CADPS2: variants seen among roughly 807,000 people sequenced by gnomAD.
CADPS2 encodes calcium dependent secretion activator 2.
CADPS2 carries 93 observed loss-of-function variants against 172.5 expected under a neutral mutation model. That is an observed-to-expected ratio of 0.54 (90% confidence interval 0.46 to 0.64). CADPS2 has a LOEUF of 0.64. Among genes scored for constraint, CADPS2 ranks in the 30% least tolerant of loss-of-function variants. CADPS2 has a pLI of 0.00. For missense variants in CADPS2, 1,420 were observed against 1,565.9 expected (o/e 0.91, Z 1.57); for synonymous variants, 546 against 555.2 (o/e 0.98, Z 0.23).
chr7:122,526,909 T>G (rs2061285804), intron 8 of CADPS2, among the ~76,000 whole-genome samples: 1 of 152,206 alleles, frequency 6.6e-6, no homozygotes, highest in Non-Finnish European at 1.5e-5. Context: ...ATCCTCATTG[T>G]CCAGCACTGT....
chr7:122,859,643 G>A (rs34080149), intron 1 of CADPS2, among the ~76,000 whole-genome samples: 3,848 of 152,150 alleles, frequency 0.025, 114 homozygotes, highest in Non-Finnish European at 0.035. Flanking sequence ...TTATCCATGA[G>A]GGATAGGTTC....
intron 2 of CADPS2, among the ~76,000 whole-genome samples, chr7:122,727,784 A>G (rs1196792751): frequency 6.6e-6 from 1 of 151,986 alleles, no homozygotes; most frequent in African/African-American, 2.4e-5. Flanking sequence ...AATCTCAGAC[A>G]TGAAAACACA....
At chr7:122,647,962 C>T (rs1370975135) in intron 3 of CADPS2, among the ~76,000 whole-genome samples, 1 of 152,040 alleles carries the variant, frequency 6.6e-6, no homozygotes, top group Non-Finnish European at 1.5e-5. Context: ...ATTTCCTTAC[C>T]TTGTTAGTTC....
intron 2 of CADPS2, among the ~76,000 whole-genome samples, chr7:122,701,412 G>T (rs1382311848): frequency 1.3e-5 from 2 of 152,074 alleles, no homozygotes; most frequent in Non-Finnish European, 1.5e-5. Context: ...GACACAGGAA[G>T]GGGAACGTCA....
At chr7:122,393,126 T>C (rs1487156129) in intron 22 of CADPS2, 70 bp downstream of exon 22, 2 of 1,552,516 alleles carry the variant, frequency 1.3e-6, no homozygotes, top group Non-Finnish European at 1.7e-6. Flanking sequence ...TCTAAACACA[T>C]CTGCGCAGAA....
chr7:122,674,272 C>G (rs1410667914), intron 2 of CADPS2, among the ~76,000 whole-genome samples: 1 of 152,236 alleles, frequency 6.6e-6, no homozygotes, highest in Non-Finnish European at 1.5e-5. Flanking sequence ...CAGAGAGTGG[C>G]TCCCACAGCG....
intron 8 of CADPS2, among the ~76,000 whole-genome samples, chr7:122,524,670 C>A (rs1320589212): frequency 6.6e-6 from 1 of 152,176 alleles, no homozygotes; most frequent in African/African-American, 2.4e-5. Context: ...CATAGAATAT[C>A]TGTAACAGTC....
chr7:122,665,631 T>G (rs766658870), intron 2 of CADPS2, among the ~76,000 whole-genome samples: 1 of 152,242 alleles, frequency 6.6e-6, no homozygotes, highest in Non-Finnish European at 1.5e-5. Context: ...ACATCTCATG[T>G]AATTTGTCAA....
At chr7:122,456,907 C>G (rs2053853208) in intron 14 of CADPS2, among the ~76,000 whole-genome samples, 1 of 152,206 alleles carries the variant, frequency 6.6e-6, no homozygotes, top group Admixed American at 6.5e-5. Context: ...ATTCATCAAT[C>G]TGGCAGATTA....
intron 7 of CADPS2, among the ~76,000 whole-genome samples, chr7:122,577,029 G>A (rs1201734814): frequency 6.6e-6 from 1 of 152,000 alleles, no homozygotes; most frequent in African/African-American, 2.4e-5. Context: ...CCATAATGCT[G>A]GGATTATAGG....
At chr7:122,730,704 T>C (rs932927734) in intron 2 of CADPS2, among the ~76,000 whole-genome samples, 15 of 151,722 alleles carry the variant, frequency 9.9e-5, no homozygotes, top group Admixed American at 7.2e-4. Flanking sequence ...GCTATAGCTA[T>C]TGAAATTATA....
intron 8 of CADPS2, among the ~76,000 whole-genome samples, chr7:122,548,511 T>C (rs566580351): frequency 2.0e-5 from 3 of 152,272 alleles, no homozygotes; most frequent in Admixed American, 6.5e-5. Context: ...ATCATAAAAC[T>C]TGACAAATTT....
chr7:122,482,456 C>G (rs367651679), intron 11 of CADPS2, among the ~76,000 whole-genome samples: 2 of 152,052 alleles, frequency 1.3e-5, no homozygotes, highest in East Asian at 1.9e-4. Context: ...AATTATCTAG[C>G]CCAAAATGTC....
chr7:122,342,501 C>T (rs1389461993), intron 28 of CADPS2, among the ~76,000 whole-genome samples: 2 of 152,166 alleles, frequency 1.3e-5, no homozygotes, highest in Non-Finnish European at 2.9e-5. Context: ...CTTTTTAACA[C>T]AGCTGCATCA....
chr7:122,656,840 T>C (rs1034435967), intron 3 of CADPS2, among the ~76,000 whole-genome samples: 4 of 152,256 alleles, frequency 2.6e-5, no homozygotes, highest in East Asian at 1.9e-4. Flanking sequence ...ATTTTGGCTT[T>C]TGACGCCATT....
At chr7:122,518,785 TATG>T (rs2060567419) in intron 8 of CADPS2, among the ~76,000 whole-genome samples, 1 of 152,076 alleles carries the variant, frequency 6.6e-6, no homozygotes, top group Admixed American at 6.6e-5. Flanking sequence ...TGTGACAATT[TATG>T]ATGTTATCCA....
At chr7:122,884,051 A>T (rs983661164) in intron 1 of CADPS2, among the ~76,000 whole-genome samples, 8 of 152,232 alleles carry the variant, frequency 5.3e-5, no homozygotes, top group African/African-American at 1.9e-4. Context: ...TCATTAACAA[A>T]ATGCAACAAG....
intron 15 of CADPS2, among the ~76,000 whole-genome samples, chr7:122,445,445 A>G (rs911348380): frequency 6.6e-6 from 1 of 151,972 alleles, no homozygotes; most frequent in Non-Finnish European, 1.5e-5. Context: ...AGTATTTCAT[A>G]TTTTTTATTG....
chr7:122,645,389 G>T (rs1485332860), intron 3 of CADPS2, among the ~76,000 whole-genome samples: 1 of 65,886 alleles, frequency 1.5e-5, no homozygotes, highest in Non-Finnish European at 3.9e-5. Flanking sequence ...ATGTACATGT[G>T]TGTGTATATA....
Sources: allele counts gnomAD v4.1 joint callset (sites outside exome capture counted in the v4.1 genomes callset), GRCh38; gene constraint gnomAD v4.1.1; transcripts MANE v1.5; gene names NCBI Gene and HGNC (gene_info 2026-07-23, HGNC 2026-07-21).